The following ADGRB3 variants were observed in gnomAD, a reference collection of about 807,000 sequenced individuals.
ADGRB3 encodes brain-specific angiogenesis inhibitor 3.
A neutral mutation model predicts 193.4 loss-of-function variants in ADGRB3; 37 were observed. That is an observed-to-expected ratio of 0.19 (90% CI 0.15 to 0.25). The LOEUF is 0.25. ADGRB3 is among the 10% of genes least tolerant of loss of function. The pLI is 1.00. For synonymous variants in ADGRB3, 690 were observed against 644.2 expected, an observed-to-expected ratio of 1.07 and a Z score of -1.08; for missense variants, 1,637 against 1,852.9, an observed-to-expected ratio of 0.88 and a Z score of 2.14.
intron 3 of ADGRB3, among the ~76,000 whole-genome samples, chr6:68,723,234 C>T (rs897687028): frequency 6.6e-6 from 1 of 151,756 alleles, no homozygotes; most frequent in South Asian, 2.1e-4. Flanking sequence ...ATCAGCTGGA[C>T]CCTACATTTT....
At chr6:69,306,517 G>A (rs893332704) in intron 20 of ADGRB3, among the ~76,000 whole-genome samples, 1 of 151,434 alleles carries the variant, frequency 6.6e-6, no homozygotes, top group African/African-American at 2.4e-5. Flanking sequence ...TTCTTGGGAA[G>A]CTTACATAAA....
chr6:69,005,039 A>G (rs1769705889), intron 11 of ADGRB3, among the ~76,000 whole-genome samples: 1 of 151,998 alleles, frequency 6.6e-6, no homozygotes, highest in African/African-American at 2.4e-5. Context: ...TCATTACCTT[A>G]TTCCTCACTT....
intron 3 of ADGRB3, among the ~76,000 whole-genome samples, chr6:68,819,864 G>T (rs1467246013): frequency 6.6e-6 from 1 of 151,928 alleles, no homozygotes; most frequent in Admixed American, 6.6e-5. Flanking sequence ...TTTCATCCAT[G>T]ATTTTTTTAA....
intron 3 of ADGRB3, among the ~76,000 whole-genome samples, chr6:68,837,928 G>T (rs116051209): frequency 6.6e-6 from 1 of 152,136 alleles, no homozygotes. Flanking sequence ...CTATAAGAAA[G>T]CCCATCAAAG....
At chr6:69,130,712 A>G (rs1052282364) in intron 17 of ADGRB3, among the ~76,000 whole-genome samples, 6 of 151,718 alleles carry the variant, frequency 4.0e-5, no homozygotes, top group Admixed American at 6.6e-5. Flanking sequence ...GTATTTAACC[A>G]TTATTATTAA....
intron 8 of ADGRB3, among the ~76,000 whole-genome samples, chr6:68,972,330 AG>A (rs1411173876): frequency 6.6e-6 from 1 of 152,150 alleles, no homozygotes; most frequent in Non-Finnish European, 1.5e-5. Context: ...GTCCTGGGAA[AG>A]GGCCTTGCCA....
intron 3 of ADGRB3, among the ~76,000 whole-genome samples, chr6:68,883,853 T>G (rs1765815657): frequency 6.6e-6 from 1 of 152,208 alleles, no homozygotes; most frequent in Non-Finnish European, 1.5e-5. Flanking sequence ...GACACAGAAA[T>G]ACTGAGGCAA....
intron 3 of ADGRB3, among the ~76,000 whole-genome samples, chr6:68,693,856 A>G (rs1202097299): frequency 6.6e-6 from 1 of 151,988 alleles, no homozygotes; most frequent in Non-Finnish European, 1.5e-5. Flanking sequence ...TTTTGAAAAG[A>G]TAGTGGTAGA....
At chr6:68,772,894 A>AT (rs1554191414) in intron 3 of ADGRB3, among the ~76,000 whole-genome samples, 112 of 22,802 alleles carry the variant, frequency 4.9e-3, no homozygotes, top group Admixed American at 8.0e-3. Flanking sequence ...AAAAAAAAAA[A>AT]ATATATATAT....
intron 20 of ADGRB3, among the ~76,000 whole-genome samples, chr6:69,300,818 G>C (rs964403440): frequency 4.0e-5 from 6 of 151,748 alleles, no homozygotes; most frequent in Non-Finnish European, 5.9e-5. Flanking sequence ...ATATGGAAGA[G>C]GACACAAACA....
intron 3 of ADGRB3, among the ~76,000 whole-genome samples, chr6:68,826,241 A>G (rs1767841827): frequency 6.6e-6 from 1 of 152,188 alleles, no homozygotes; most frequent in African/African-American, 2.4e-5. Flanking sequence ...ACAGGGGAAT[A>G]AATAAGGAAA....
chr6:69,091,512 C>T (rs1373664935), intron 17 of ADGRB3, among the ~76,000 whole-genome samples: 5 of 152,082 alleles, frequency 3.3e-5, no homozygotes, highest in African/African-American at 1.2e-4. Flanking sequence ...AGCTGGAGGC[C>T]ATTATCCTGA....
intron 3 of ADGRB3, among the ~76,000 whole-genome samples, chr6:68,700,325 T>C (rs1386543392): frequency 6.6e-6 from 1 of 152,158 alleles, no homozygotes; most frequent in Non-Finnish European, 1.5e-5. Context: ...ACATTTTTTT[T>C]CCCTTGAGTA....
intron 17 of ADGRB3, among the ~76,000 whole-genome samples, chr6:69,171,902 GT>G (rs1775280460): frequency 6.6e-6 from 1 of 152,110 alleles, no homozygotes; most frequent in Admixed American, 6.5e-5. Context: ...CACAAAATAA[GT>G]ACCTCATTTC....
intron 20 of ADGRB3, among the ~76,000 whole-genome samples, chr6:69,296,135 A>G (rs1403805720): frequency 6.6e-6 from 1 of 152,176 alleles, no homozygotes; most frequent in Non-Finnish European, 1.5e-5. Flanking sequence ...CTCTCATCAA[A>G]CATGGAACCT....
chr6:69,289,513 A>G (rs537115258), intron 20 of ADGRB3, among the ~76,000 whole-genome samples: 2 of 152,152 alleles, frequency 1.3e-5, no homozygotes, highest in South Asian at 4.2e-4. Context: ...TTTGCCCCAG[A>G]CTTTCCTTTG....
chr6:69,193,768 G>A (rs1043456119), intron 17 of ADGRB3, among the ~76,000 whole-genome samples: 1 of 151,700 alleles, frequency 6.6e-6, no homozygotes. Context: ...TATATCATAG[G>A]ATTTTTCTGT....
chr6:68,769,236 A>C (rs1323154311), intron 3 of ADGRB3, among the ~76,000 whole-genome samples: 2 of 152,234 alleles, frequency 1.3e-5, no homozygotes, highest in East Asian at 1.9e-4. Flanking sequence ...AGACATATGC[A>C]CATGTGTGTT....
At chr6:68,645,115 G>T (rs1474265563) in intron 3 of ADGRB3, among the ~76,000 whole-genome samples, 1 of 152,004 alleles carries the variant, frequency 6.6e-6, no homozygotes. Context: ...TATAAAAGCA[G>T]TCCGGCCCTT....
Sources: gnomAD v4.1 joint callset for allele counts (sites outside exome capture counted in the v4.1 genomes callset) on GRCh38, gnomAD v4.1.1 for gene constraint, MANE v1.5 for transcripts, NCBI Gene and HGNC (gene_info 2026-07-23, HGNC 2026-07-21) for gene names.